The following EPHX2 variants were observed in gnomAD, a reference collection of about 807,000 sequenced individuals.
EPHX2 encodes the protein epoxide hydrolase 2.
EPHX2 carries 74 observed loss-of-function variants against 78.7 expected under a neutral mutation model. The observed-to-expected ratio is 0.94, with a 90% confidence interval of 0.78 to 1.14. The LOEUF is 1.14. Among genes scored for constraint, EPHX2 ranks in the 50% most tolerant of loss-of-function variants. The pLI is 0.00. For synonymous variants in EPHX2, 251 were observed against 255.2 expected, an observed-to-expected ratio of 0.98 and a Z score of 0.16; for missense variants, 715 against 702.5, an observed-to-expected ratio of 1.02 and a Z score of -0.20.
chr8:27,512,117 AAG>A, intron 6 of EPHX2: 1 of 524,754 alleles, frequency 1.9e-6, no homozygotes, highest in Non-Finnish European at 3.4e-6. Context: ...AAAAAAAAAA[AAG>A]GACCAGCAGT....
At chr8:27,539,069 C>T in intron 14 of EPHX2, 1 of 200,430 alleles carries the variant, frequency 5.0e-6, no homozygotes, top group Non-Finnish European at 1.0e-5. Flanking sequence ...TCCTCCATTG[C>T]AGTCCACTGG....
At chr8:27,543,988 C>T (rs938420612) in intron 17 of EPHX2, among the ~76,000 whole-genome samples, 159 bp downstream of exon 17, 1 of 152,208 alleles carries the variant, frequency 6.6e-6, no homozygotes, top group Non-Finnish European at 1.5e-5. Context: ...TTGCAAGCAG[C>T]AACCGTGACT....
At chr8:27,512,417 A>T (rs1814286689) in intron 6 of EPHX2, among the ~76,000 whole-genome samples, 1 of 152,230 alleles carries the variant, frequency 6.6e-6, no homozygotes, top group Non-Finnish European at 1.5e-5. Flanking sequence ...GCCAGATACA[A>T]GGGGTGCAGT....
chr8:27,530,181 C>A (rs755087360), intron 12 of EPHX2, among the ~76,000 whole-genome samples: 1 of 151,976 alleles, frequency 6.6e-6, no homozygotes, highest in Non-Finnish European at 1.5e-5. Flanking sequence ...AGCTGCCATG[C>A]CAGCCTAAAT....
intron 8 of EPHX2, 114 bp from the exon 9 acceptor site, chr8:27,517,924 G>C (rs1814517386): frequency 6.3e-6 from 5 of 789,098 alleles, no homozygotes; most frequent in Non-Finnish European, 1.0e-5. Flanking sequence ...AGTTTTTGTG[G>C]GTTTTTGTTG....
At chr8:27,525,315 A>G in intron 11 of EPHX2, 47 bp from the exon 12 acceptor site, 2 of 1,566,280 alleles carry the variant, frequency 1.3e-6, no homozygotes, top group Non-Finnish European at 1.8e-6. Context: ...CTCTTGTAAG[A>G]CTGTCTTCTT....
At position 27,501,091 on chromosome 8, in the gene EPHX2, C is replaced by T. The variant is rs1813752278; in HGVS notation, c.186+81C>T. 4 of 1,277,442 alleles carry T rather than the reference C, an allele frequency of 3.1e-6. No individual in the cohort carries two copies. In the South Asian group the frequency reaches 3.9e-5, roughly 12 times the overall value. The allele number at this position is 1,277,442 out of a possible 1,614,324, so 79.1% of individuals were successfully genotyped here. ...CCATCTCCCCGAACTTGGGGCCCAC[C>T]ATAATAGAAAACACCCACCTTTTCT... On this transcript the variant is annotated intron_variant, in intron 2 of 18. Coordinates refer to ENST00000521400, the MANE Select transcript of EPHX2 (RefSeq NM_001979.6).
intron 15 of EPHX2, 97 bp from the exon 16 acceptor site, chr8:27,541,376 C>G: frequency 7.5e-7 from 1 of 1,324,674 alleles, no homozygotes; most frequent in Admixed American, 1.8e-5. Flanking sequence ...TTGCTCTTCC[C>G]AGGACGACTG....
Position 27,491,197 on chromosome 8 carries a change from A to C in EPHX2, c.-12A>C, listed in dbSNP as rs746168469. On this transcript the variant is annotated 5_prime_UTR_variant, in exon 1 of 19. Transcript: ENST00000521400. ...GCTGCGTGTCCGGGTGCTAGGCTGC[A>C]GACCCGCCGCCATGACGCTGCGCGC... 1 of 1,569,878 alleles carries C rather than the reference A, an allele frequency of 6.4e-7. No individual in the cohort carries two copies. The highest frequency in any genetic ancestry group is 8.6e-7 in the Non-Finnish European group (1 of 1,166,630).
At chr8:27,501,324 T>TTTCTTCTTCTTCTTC (rs796293855) in intron 2 of EPHX2, among the ~76,000 whole-genome samples, 1,804 of 102,944 alleles carry the variant, frequency 0.018, 63 homozygotes, top group Non-Finnish European at 0.023. Flanking sequence ...TGCTATATAT[T>TTTCTTCTTCTTCTTC]TTCTTCTTCT....
At chr8:27,526,020 G>C (rs1472026712) in intron 12 of EPHX2, among the ~76,000 whole-genome samples, 1 of 152,188 alleles carries the variant, frequency 6.6e-6, no homozygotes, top group African/African-American at 2.4e-5. Flanking sequence ...CTGGTGCCCC[G>C]CCTACAGCTG....
intron 12 of EPHX2, among the ~76,000 whole-genome samples, chr8:27,534,737 G>A (rs1278266672): frequency 6.6e-6 from 1 of 152,230 alleles, no homozygotes; most frequent in African/African-American, 2.4e-5. Context: ...TGTGGCTTTA[G>A]GATCTTCCTG....
chr8:27,525,095 T>TGC (rs1248050751), intron 11 of EPHX2, among the ~76,000 whole-genome samples: 23 of 146,678 alleles, frequency 1.6e-4, no homozygotes, highest in Admixed American at 5.4e-4. Context: ...TGTGTGTGTG[T>TGC]GTGTGTGTGT....
At position 27,540,069 on chromosome 8, in the gene EPHX2, G is replaced by T. The variant is rs72477590; in HGVS notation, c.1277-485G>T. Among the ~76,000 whole-genome samples the T allele has an allele frequency of 5.5e-3, 837 of 152,302 alleles. 8 individuals carry two copies. The highest frequency in any genetic ancestry group is 0.019 in the African/African-American group (800 of 41,552). On this transcript the variant is annotated intron_variant, in intron 14 of 18. Transcript: ENST00000521400. ...ATACCACAGAGGGTCTGTGCGGCAC[G>T]TGGGAGGTGACAGGATGCAGCCACC...
intron 16 of EPHX2, among the ~76,000 whole-genome samples, chr8:27,543,013 C>A (rs193116977): frequency 0.021 from 2,887 of 135,536 alleles, 61 homozygotes; most frequent in African/African-American, 0.065. Flanking sequence ...CTCTCCCCCC[C>A]CCGCCCCCCG....
In EPHX2 at chr8:27,500,935, G is replaced by A. The variant is rs749370691; in HGVS notation, c.111G>A (p.Leu37=). 3 of 1,613,150 alleles carry A rather than the reference G, an allele frequency of 1.9e-6. No individual in the cohort carries two copies. Among genetic ancestry groups the A allele is most frequent in the Non-Finnish European group, 2.5e-6 (3 of 1,179,594 alleles). ...EEALALPRGL[L]NDAFQKGGPE... ...TCTTTGTGTTTTCCAGAGGACTTCT[G>A]AATGATGCTTTCCAGAAAGGGGGAC... Residue 37 remains leucine, a synonymous_variant, in exon 2 of 19, where the codon CTG becomes CTA. Coordinates refer to ENST00000521400, the MANE Select transcript of EPHX2 (RefSeq NM_001979.6).
chr8:27,506,084 G>C (rs1813994650), intron 4 of EPHX2, among the ~76,000 whole-genome samples: 2 of 152,254 alleles, frequency 1.3e-5, no homozygotes, highest in South Asian at 4.2e-4. Context: ...AAACTCCTGA[G>C]CTCAAGTGAT....
At chr8:27,499,957 A>AT (rs1346966376) in intron 1 of EPHX2, among the ~76,000 whole-genome samples, 4 of 152,174 alleles carry the variant, frequency 2.6e-5, no homozygotes, top group Non-Finnish European at 5.9e-5. Context: ...TATTTAACTC[A>AT]ATTACCTCTT....
At chr8:27,520,422 C>T (rs936549561) in intron 9 of EPHX2, among the ~76,000 whole-genome samples, 2 of 152,024 alleles carry the variant, frequency 1.3e-5, no homozygotes, top group Non-Finnish European at 2.9e-5. Context: ...TCTCGGCTCA[C>T]TGCAATCTCT....
Sources: gnomAD v4.1 joint callset for allele counts (sites outside exome capture counted in the v4.1 genomes callset) on GRCh38, gnomAD v4.1.1 for gene constraint, MANE v1.5 for transcripts, NCBI Gene and HGNC (gene_info 2026-07-23, HGNC 2026-07-21) for gene names.